Variants in MIB2 observed in about 807,000 individuals in gnomAD.
The protein encoded by MIB2 is E3 ubiquitin-protein ligase MIB2.
In MIB2, 78 loss-of-function variants were observed where a neutral mutation model predicts 96.6. The observed-to-expected ratio is 0.81, with a 90% CI of 0.67 to 0.97. MIB2 has a LOEUF of 0.97. Among genes scored for constraint, MIB2 ranks in the 50% least tolerant of loss-of-function variants. The probability of loss-of-function intolerance (pLI) is 0.00; values close to 1 mark genes in which losing one functional copy is unlikely to be tolerated. For synonymous variants in MIB2, 820 were observed against 629.5 expected (o/e 1.30, Z -4.53); for missense variants, 1,543 against 1,424.0 (o/e 1.08, Z -1.35).
upstream of MIB2, chr1:1,614,576 G>C (rs1159911781): frequency 1.3e-5 from 2 of 152,254 alleles, no homozygotes; most frequent in African/African-American, 4.8e-5. Flanking sequence ...GCGATTCCCA[G>C]ATTAACTCAC....
In MIB2 at chr1:1,626,826, C is replaced by T. The variant is rs776141141; in HGVS notation, c.1078-11C>T. ...CCTGCAGCCTGCTGTGACCCCCTCCCCTCCCCGCAGGCCCTGGGCCGCGTC... is the reference window on the plus strand; with the variant it reads ...CCTGCAGCCTGCTGTGACCCCCTCCTCTCCCCGCAGGCCCTGGGCCGCGTC... On this transcript the variant is annotated splice_polypyrimidine_tract_variant and intron_variant, in intron 9 of 19. Coordinates refer to ENST00000355826, the MANE Select transcript of MIB2 (RefSeq NM_001170687.4). The surrounding 1 kb of genome is among the most constrained non-coding windows in gnomAD (Gnocchi z 5.3). The T allele has an allele frequency of 2.2e-5, 35 of 1,600,640 alleles. No homozygotes were observed. The highest frequency in any genetic ancestry group is 2.9e-5 in the Non-Finnish European group (34 of 1,178,444).
At chr1:1,618,641 G>A (rs1267411186) in intron 2 of MIB2, 3 of 152,288 alleles carry the variant, frequency 2.0e-5, no homozygotes, top group Non-Finnish European at 4.4e-5. Context: ...GCCCCAGGAG[G>A]ACAGGATGGT....
rs778148725 is a variant in MIB2, at chr1:1,625,094, G to A, written c.630G>A (p.Val210=). The change falls in exon 6 of 20, where the codon GTG becomes GTA. Residue 210 remains valine (V), a synonymous_variant. Coordinates refer to ENST00000355826, the MANE Select transcript of MIB2 (RefSeq NM_001170687.4). This position sits in a 1 kb window ranked among gnomAD's most constrained non-coding sequence, Gnocchi z 5.0. Reference sequence around the variant, plus strand: ...CGTGGGCTGATGGTACCACCAATGTGTACCGTGTGGGCCACAAGGGCAAGG... The same window carrying A: ...CGTGGGCTGATGGTACCACCAATGTATACCGTGTGGGCCACAAGGGCAAGG... ...SVTWADGTTN[V]YRVGHKGKVD... is the part of the protein sequence containing the mutation. 2 of 1,613,406 alleles carry A rather than the reference G, an allele frequency of 1.2e-6. No homozygotes were observed. The highest frequency in any genetic ancestry group is 2.2e-5 in the South Asian group (2 of 91,090).
chr1:1,629,792 C>T (rs1481114150), intron 19 of MIB2, 88 bp downstream of exon 19: 1 of 1,320,666 alleles, frequency 7.6e-7, no homozygotes, highest in East Asian at 2.9e-5. Context: ...TCCCACACTT[C>T]CGCCCATGGC....
At chr1:1,628,810 C>T (rs1424849585) in intron 16 of MIB2, 88 bp downstream of exon 16, 1 of 1,190,836 alleles carries the variant, frequency 8.4e-7, no homozygotes, top group Non-Finnish European at 1.1e-6. Context: ...GTCCACCTTC[C>T]CCTCCAGTGA....
chr1:1,625,569 G>A lies in MIB2; in HGVS notation c.888G>A (p.Val296=), dbSNP rs775682279. The part of the protein sequence containing the change: ...MAEFIGQTGT[V]HRITDRGDVR... ...AGTTTATCGGACAGACGGGCACCGT[G>A]CATCGTATCACGGACCGCGGGGACG... Residue 296 remains valine, a synonymous_variant, in exon 8 of 20, where the codon GTG becomes GTA. Transcript: ENST00000355826. This position sits in a 1 kb window ranked among gnomAD's most constrained non-coding sequence, Gnocchi z 5.0. The A allele has an allele frequency of 1.3e-6, 2 of 1,584,764 alleles. No homozygotes were observed. The highest frequency in any genetic ancestry group is 1.7e-4 in the Middle Eastern group (1 of 6,022).
At position 1,629,269 on chromosome 1, in the gene MIB2, G is replaced by T. The variant is rs533348807; in HGVS notation, c.2339G>T (p.Gly780Val). 8 of 1,545,302 alleles carry T rather than the reference G, an allele frequency of 5.2e-6. No individual in the cohort carries two copies. The South Asian group carries it at 7.1e-5, about 14-fold the overall frequency. The change falls in exon 17 of 20, where the codon GGT becomes GTT. Residue 780 changes from glycine to valine, a missense_variant. Transcript: ENST00000355826. ...AGCCCGCTGGACCTGGCCGCCGAGG[G>T]TCGCGTGCTCAAGGCCCTTCAGGGC... The part of the protein sequence containing the change: ...GRSPLDLAAE[G>V]RVLKALQGCA...
Position 1,627,087 on chromosome 1 carries a change from G to A in MIB2, c.1254G>A (p.Val418=), listed in dbSNP as rs1430427601. 1 of 1,600,422 alleles carries A rather than the reference G, an allele frequency of 6.2e-7. No individual in the cohort carries two copies. Among genetic ancestry groups the A allele is most frequent in the East Asian group, 2.3e-5 (1 of 44,294 alleles). Residue 418 remains valine (V), a synonymous_variant, in exon 11 of 20, where the codon GTG becomes GTA. Coordinates refer to ENST00000355826, the MANE Select transcript of MIB2 (RefSeq NM_001170687.4). ...RARENKSSLS[V]ALDKLRAQKS... is the part of the protein sequence containing the mutation. ...CCCTGCCCCCAGGCTCACTGAGCGT[G>A]GCCCTGGACAAGCTTCGGGCCCAGA... is the stretch of plus-strand genomic sequence containing the variant.
chr1:1,622,439 G>C (rs1001190113), intron 2 of MIB2, among the ~76,000 whole-genome samples: 2 of 152,236 alleles, frequency 1.3e-5, no homozygotes, highest in Non-Finnish European at 2.9e-5. Context: ...TGAGCTCTCG[G>C]GGGTCAGCGC....
In MIB2 at chr1:1,625,321, G is replaced by A. The variant is rs1438611463; in HGVS notation, c.757G>A (p.Asp253Asn). 6.3e-7 allele frequency: 1 copy of A among 1,580,408 alleles called. No homozygotes were observed. The highest frequency in any genetic ancestry group is 8.6e-7 in the Non-Finnish European group (1 of 1,164,412). ...GGAGCTGCAGCGCAGGGTGAGTGCT[G>A]ACAGCCAGCCCTTCCAGCACGGGGA... The part of the protein sequence containing the change: ...PAELQRRVSA[D>N]SQPFQHGDKV... Residue 253 changes from aspartate to asparagine, a missense_variant, in exon 7 of 20, where the codon GAC becomes AAC. Asp to Asn is a conservative substitution (Grantham distance 23). Coordinates refer to ENST00000355826, the MANE Select transcript of MIB2 (RefSeq NM_001170687.4). This position sits in a 1 kb window ranked among gnomAD's most constrained non-coding sequence, Gnocchi z 5.0.
chr1:1,615,271 G>A (rs1268153797), upstream of MIB2: 1 of 1,221,982 alleles, frequency 8.2e-7, no homozygotes, highest in Non-Finnish European at 1.1e-6. Context: ...GTGCCAGCGA[G>A]CGCGACGTCG....
chr1:1,622,157 C>T (rs1246205687), intron 2 of MIB2, among the ~76,000 whole-genome samples: 2 of 152,234 alleles, frequency 1.3e-5, no homozygotes, highest in Non-Finnish European at 2.9e-5. Context: ...CTCCAGCCTC[C>T]TGGGACTGCC....
chr1:1,627,322 C>T lies in MIB2; in HGVS notation c.1401C>T (p.Thr467=), dbSNP rs75147751. Residue 467 remains threonine (T), a synonymous_variant, in exon 12 of 20, where the codon ACC becomes ACT. Transcript: ENST00000355826. ...TGGACACCAAGAACCAAGGCAGGACCGCTCTGCAAGTGGCTGCCTACCTGG... is the reference window on the plus strand; with the variant it reads ...TGGACACCAAGAACCAAGGCAGGACTGCTCTGCAAGTGGCTGCCTACCTGG... The part of the protein sequence containing the change: ...EQVDTKNQGR[T]ALQVAAYLGQ... 1.9e-3 allele frequency: 3,097 copies of T among 1,613,196 alleles called. 45 individuals carry two copies. The African/African-American group carries it at 0.036, about 19-fold the overall frequency.
chr1:1,628,485 C>G lies in MIB2; in HGVS notation c.1969-4C>G, dbSNP rs750045981. 3.8e-6 allele frequency: 6 copies of G among 1,596,714 alleles called. No homozygotes were observed. Among genetic ancestry groups the G allele is most frequent in the African/African-American group, 1.3e-5 (1 of 74,882 alleles). ...GGGCTGAGCCCGTCCCCACCCCTCCCCAGGGCCGCTGTGACGTGAACGTGC... is the reference window on the plus strand; with the variant it reads ...GGGCTGAGCCCGTCCCCACCCCTCCGCAGGGCCGCTGTGACGTGAACGTGC... On this transcript the variant is annotated splice_region_variant and splice_polypyrimidine_tract_variant and intron_variant, in intron 15 of 19. Coordinates refer to ENST00000355826, the MANE Select transcript of MIB2 (RefSeq NM_001170687.4).
At chr1:1,618,497 A>T (rs1472884815) in intron 2 of MIB2, 1 of 152,866 alleles carries the variant, frequency 6.5e-6, no homozygotes, top group African/African-American at 2.4e-5. Flanking sequence ...GGAAGTCCTC[A>T]CCTGAGGTCT....
chr1:1,625,632 C>T lies in MIB2; in HGVS notation c.951C>T (p.Phe317=), dbSNP rs1341806291. 2 of 1,565,696 alleles carry T rather than the reference C, an allele frequency of 1.3e-6. No individual in the cohort carries two copies. The highest frequency in any genetic ancestry group is 1.9e-5 in the Admixed American group (1 of 53,372). The part of the protein sequence containing the change: ...VQFNHETRWT[F]HPGALTKHHS... Reference sequence around the variant, plus strand: ...TCAACCACGAGACGCGCTGGACCTTCCACCCCGGGGCGCTCACCAAGGTGC... The same window carrying T: ...TCAACCACGAGACGCGCTGGACCTTTCACCCCGGGGCGCTCACCAAGGTGC... Residue 317 remains phenylalanine (F), a synonymous_variant, in exon 8 of 20, where the codon TTC becomes TTT. Transcript: ENST00000355826. The surrounding 1 kb of genome is among the most constrained non-coding windows in gnomAD (Gnocchi z 5.0).
chr1:1,629,057 C>A (rs761091143), intron 16 of MIB2, 76 bp from the exon 17 acceptor site: 211 of 1,339,294 alleles, frequency 1.6e-4, no homozygotes, highest in Non-Finnish European at 2.0e-4. Context: ...GCTGCTGGGG[C>A]TGCCAGGTGC....
chr1:1,626,460 C>G lies in MIB2; in HGVS notation c.973-190C>G, dbSNP rs953400230. On this transcript the variant is annotated intron_variant, in intron 8 of 19. Transcript: ENST00000355826. The surrounding 1 kb of genome is among the most constrained non-coding windows in gnomAD (Gnocchi z 5.3). ...CCCATGGCTCTGGGGCTAGGGACAC[C>G]CAGGGCTGCCTTGGACACCTGGGGC... The G allele has an allele frequency of 1.2e-5, 7 of 582,478 alleles. No individual in the cohort carries two copies. Among genetic ancestry groups the G allele is most frequent in the Admixed American group, 3.2e-5 (1 of 31,184 alleles). 36.1% of individuals were successfully genotyped at this position (582,478 alleles called of 1,614,324 possible). A position where few individuals can be genotyped will look rare whatever the true frequency, so the allele number is the denominator to read the frequency against.
In MIB2 at chr1:1,626,955, A is replaced by T. The variant is rs1379007520; in HGVS notation, c.1196A>T (p.Glu399Val). The change falls in exon 10 of 20, where the codon GAG becomes GTG. Residue 399 changes from glutamate (E) to valine (V), a missense_variant. By Grantham distance (121) the Glu-to-Val change is moderately radical. Transcript: ENST00000355826. The surrounding 1 kb of genome is among the most constrained non-coding windows in gnomAD (Gnocchi z 5.3). Reference sequence around the variant, plus strand: ...TGCCTGGTGGCCTACCGGCCCGAGGAGGATGCCAACCTGGACGTGGCCGAG... The same window carrying T: ...TGCCTGGTGGCCTACCGGCCCGAGGTGGATGCCAACCTGGACGTGGCCGAG... ...PSCLVAYRPE[E>V]DANLDVAERA... The T allele has an allele frequency of 6.2e-7, 1 of 1,611,446 alleles. No homozygotes were observed. Among genetic ancestry groups the T allele is most frequent in the Admixed American group, 1.7e-5 (1 of 59,938 alleles).
Sources: gnomAD v4.1 joint callset for allele counts (sites outside exome capture counted in the v4.1 genomes callset) on GRCh38, gnomAD v4.1.1 for gene constraint, Gnocchi (gnomAD v3.1) non-coding constraint, MANE v1.5 for transcripts, NCBI Gene and HGNC (gene_info 2026-07-23, HGNC 2026-07-21) for gene names.